PPP6R3: variants seen among roughly 807,000 people sequenced by gnomAD.
PPP6R3 encodes the protein serine/threonine-protein phosphatase 6 regulatory subunit 3.
In PPP6R3, 38 loss-of-function variants were observed where a neutral mutation model predicts 110.7. That is an observed-to-expected ratio of 0.34 (90% CI 0.26 to 0.45). PPP6R3 has a LOEUF of 0.45. PPP6R3 is among the 20% of genes least tolerant of loss of function. PPP6R3 has a pLI of 1.00. For missense variants in PPP6R3, 870 were observed against 1,062.4 expected (o/e 0.82, Z 2.52); for synonymous variants, 369 against 373.5 (o/e 0.99, Z 0.14).
chr11:68,467,210 G>A (rs1390172422), intron 1 of PPP6R3, among the ~76,000 whole-genome samples: 1 of 152,236 alleles, frequency 6.6e-6, no homozygotes, highest in Non-Finnish European at 1.5e-5. Flanking sequence ...GATAGGTTCT[G>A]AACATCTTTT....
rs73506289 is a variant in PPP6R3 at position 68,600,909 on chromosome 11, A to T, written c.2192+415A>T. ...GGGGTGTGGCAGGCAAACAAAATGGATCTTGAATTCAGTAGATAATATGAA... is the reference window on the plus strand; with the variant it reads ...GGGGTGTGGCAGGCAAACAAAATGGTTCTTGAATTCAGTAGATAATATGAA... On this transcript the variant is annotated intron_variant, in intron 20 of 23. Transcript: ENST00000393800. 9.2e-3 allele frequency among the ~76,000 whole-genome samples: 1,403 copies of T among 152,288 alleles called. 18 individuals carry two copies. The highest frequency in any genetic ancestry group is 0.032 in the African/African-American group (1,346 of 41,552).
Position 68,591,725 on chromosome 11 carries a change from T to TAA in PPP6R3, c.1916+20_1916+21insAA, listed in dbSNP as rs2099595886. On this transcript the variant is annotated intron_variant, in intron 18 of 23. Transcript: ENST00000393800. ...GATCCAGGTGAAAGATAGTTGGTTA[T>TAA]AGTTGTAATTATAGCCAACCTGTAA... 6.3e-6 allele frequency: 10 copies of TAA among 1,599,504 alleles called. No homozygotes were observed. Among genetic ancestry groups the TAA allele is most frequent in the Non-Finnish European group, 7.7e-6 (9 of 1,174,492 alleles).
chr11:68,614,790 A>G lies in PPP6R3; in HGVS notation c.*1673A>G. 6.6e-7 allele frequency: 1 copy of G among 1,519,954 alleles called. No homozygotes were observed. The highest frequency in any genetic ancestry group is 8.9e-7 in the Non-Finnish European group (1 of 1,120,516). 94.2% of individuals were successfully genotyped at this position (1,519,954 alleles called of 1,614,324 possible). A position where few individuals can be genotyped will look rare whatever the true frequency, so the allele number is the denominator to read the frequency against. ...AGACTGTCCTTGGGCCTCCTCTGGA[A>G]GCAGCACCCCCAGAGGACAGGGCTC... On this transcript the variant is annotated 3_prime_UTR_variant, in exon 24 of 24. Transcript: ENST00000393800.
chr11:68,544,899 G>A lies in PPP6R3; in HGVS notation c.289G>A (p.Gly97Arg), dbSNP rs1386449814. Reference sequence around the variant, plus strand: ...TGTCTCCCAGATGAATGATAGACTGGGAGAAGATGAATCCTTGCTAATGAA... The same window carrying A: ...TGTCTCCCAGATGAATGATAGACTGAGAGAAGATGAATCCTTGCTAATGAA... ...SDVSQMNDRL[G>R]EDESLLMKLY... The change falls in exon 4 of 24, where the codon GGA becomes AGA. Residue 97 changes from glycine to arginine, a missense_variant. Coordinates refer to ENST00000393800, the MANE Select transcript of PPP6R3 (RefSeq NM_001164161.2). The A allele has an allele frequency of 1.2e-6, 2 of 1,607,596 alleles. No homozygotes were observed. The highest frequency in any genetic ancestry group is 1.7e-5 in the Admixed American group (1 of 59,996).
rs1181714569 is a variant in PPP6R3, at chr11:68,477,728, T to TAA, written c.-158+16914_-158+16915dup. On this transcript the variant is annotated intron_variant, in intron 1 of 23. Transcript: ENST00000393800. ...AGAGACAGAGAGAGACATTGTCTCT[T>TAA]AAAAAAAAAAAAAATATATATATAT... is the stretch of plus-strand genomic sequence containing the variant. Among the ~76,000 whole-genome samples the TAA allele has an allele frequency of 4.8e-3, 372 of 77,380 alleles. 3 individuals are homozygous for TAA. Among genetic ancestry groups the TAA allele is most frequent in the African/African-American group, 0.019 (317 of 17,098 alleles). The allele number at this position is 77,380 out of a possible 152,430, so 50.8% of individuals were successfully genotyped here. A position where few individuals can be genotyped will look rare whatever the true frequency, so the allele number is the denominator to read the frequency against.
At chr11:68,461,056 C>T (rs966411443) in intron 1 of PPP6R3, among the ~76,000 whole-genome samples, 1 of 151,596 alleles carries the variant, frequency 6.6e-6, no homozygotes, top group Non-Finnish European at 1.5e-5. Flanking sequence ...CCCGCCAGGA[C>T]GGGCGCCGGG....
intron 2 of PPP6R3, among the ~76,000 whole-genome samples, chr11:68,529,363 C>T (rs1350619942): frequency 6.6e-6 from 1 of 152,062 alleles, no homozygotes; most frequent in Admixed American, 6.5e-5. Context: ...GGATTACAGG[C>T]GACTGCCATT....
At chr11:68,596,265 G>A in intron 19 of PPP6R3, 47 bp downstream of exon 19, 3 of 1,612,144 alleles carry the variant, frequency 1.9e-6, no homozygotes, top group African/African-American at 1.3e-5. Context: ...TTGGAATTAG[G>A]TATTGTGAAC....
At chr11:68,513,363 G>T (rs2099120302) in intron 1 of PPP6R3, among the ~76,000 whole-genome samples, 1 of 152,194 alleles carries the variant, frequency 6.6e-6, no homozygotes, top group Non-Finnish European at 1.5e-5. Context: ...CAATGGAACA[G>T]ATCTGTGAAA....
intron 1 of PPP6R3, among the ~76,000 whole-genome samples, chr11:68,511,663 C>G (rs1592287852): frequency 6.7e-6 from 1 of 149,434 alleles, no homozygotes; most frequent in Non-Finnish European, 1.5e-5. Flanking sequence ...GTATTTTTAG[C>G]AGAGACGGGG....
chr11:68,582,597 A>G (rs1389163306), intron 14 of PPP6R3, among the ~76,000 whole-genome samples: 1 of 152,244 alleles, frequency 6.6e-6, no homozygotes, highest in Non-Finnish European at 1.5e-5. Flanking sequence ...GGTTATATTT[A>G]AACCTGACCT....
At chr11:68,491,045 G>T (rs1285232192) in intron 1 of PPP6R3, among the ~76,000 whole-genome samples, 7 of 152,014 alleles carry the variant, frequency 4.6e-5, no homozygotes, top group Non-Finnish European at 4.4e-5. Context: ...AATTAGCTGG[G>T]CGTGGTGGCA....
intron 1 of PPP6R3, among the ~76,000 whole-genome samples, chr11:68,513,159 C>T (rs757677066): frequency 7.9e-5 from 12 of 152,180 alleles, no homozygotes; most frequent in East Asian, 3.9e-4. Context: ...ACCTCGTTAC[C>T]GGCATCCCGG....
intron 2 of PPP6R3, chr11:68,535,448 C>A (rs2099264917): frequency 6.6e-6 from 1 of 152,122 alleles, no homozygotes. Context: ...CACATCGACT[C>A]CTCTTGTAAG....
intron 8 of PPP6R3, 88 bp from the exon 9 acceptor site, chr11:68,564,215 A>G (rs1390138872): frequency 1.5e-6 from 2 of 1,327,100 alleles, no homozygotes; most frequent in Non-Finnish European, 2.1e-6. Context: ...AAGTTGATAT[A>G]ATCATTAAGT....
chr11:68,550,719 T>C (rs7946537), intron 5 of PPP6R3, among the ~76,000 whole-genome samples: 17,829 of 152,234 alleles, frequency 0.12, 1,586 homozygotes, highest in East Asian at 0.38. Context: ...AATATTGCTC[T>C]TCTCAATCTT....
At position 68,500,457 on chromosome 11, in the gene PPP6R3, CTT is replaced by C. The variant is rs371911050; in HGVS notation, c.-157-19042_-157-19041del. ...GAGGAAGTTTCTCTTGGAGAATACACTTTGTTGGACTTTCACTTTAAAACTTT... is the reference window on the plus strand; with the variant it reads ...GAGGAAGTTTCTCTTGGAGAATACACTGTTGGACTTTCACTTTAAAACTTT... On this transcript the variant is annotated intron_variant, in intron 1 of 23. Coordinates refer to ENST00000393800, the MANE Select transcript of PPP6R3 (RefSeq NM_001164161.2). Among the ~76,000 whole-genome samples the C allele has an allele frequency of 2.2e-3, 334 of 150,952 alleles. 2 individuals are homozygous for C. The highest frequency in any genetic ancestry group is 7.8e-3 in the African/African-American group (316 of 40,336).
intron 14 of PPP6R3, among the ~76,000 whole-genome samples, chr11:68,579,019 A>G (rs2099542829): frequency 6.6e-6 from 1 of 152,178 alleles, no homozygotes; most frequent in Non-Finnish European, 1.5e-5. Flanking sequence ...CTCTTCCCCA[A>G]GGGGGAAAAT....
chr11:68,475,628 T>C lies in PPP6R3; in HGVS notation c.-158+14801T>C, dbSNP rs1448164088. 1.3e-3 allele frequency among the ~76,000 whole-genome samples: 119 copies of C among 89,888 alleles called. 4 individuals carry two copies. Among genetic ancestry groups the C allele is most frequent in the African/African-American group, 3.4e-3 (78 of 22,856 alleles). The allele number at this position is 89,888 out of a possible 152,430, so 59.0% of individuals were successfully genotyped here. A position where few individuals can be genotyped will look rare whatever the true frequency, so the allele number is the denominator to read the frequency against. ...CTCCCGGACGGGGCGGCTGGCCGGG[T>C]GGGGGCTGCCCCCCACCTCCCTCCC... On this transcript the variant is annotated intron_variant, in intron 1 of 23. Transcript: ENST00000393800.
Sources: allele counts gnomAD v4.1 joint callset (sites outside exome capture counted in the v4.1 genomes callset), GRCh38; gene constraint gnomAD v4.1.1; transcripts MANE v1.5; gene names NCBI Gene and HGNC (gene_info 2026-07-23, HGNC 2026-07-21).